The following MAZ variants were observed in gnomAD, a reference collection of about 807,000 sequenced individuals.
MAZ encodes myc-associated zinc finger protein.
A neutral mutation model predicts 32.7 loss-of-function variants in MAZ; 4 were observed. The observed-to-expected ratio is 0.12, with a 90% CI of 0.06 to 0.28. MAZ has a LOEUF of 0.28. Ranked by LOEUF, MAZ falls within the 10% of genes least tolerant of loss-of-function variation. The pLI is 1.00. For missense variants in MAZ, 763 were observed against 667.2 expected (o/e 1.14, Z -1.58); for synonymous variants, 510 against 297.6 (o/e 1.71, Z -7.35).
Position 29,807,124 on chromosome 16 carries a change from C to T in MAZ, c.339C>T (p.Pro113=), listed in dbSNP as rs957086362. The T allele has an allele frequency of 1.9e-6, 2 of 1,028,778 alleles. No homozygotes were observed. The highest frequency in any genetic ancestry group is 2.4e-6 in the Non-Finnish European group (2 of 841,684). The allele number at this position is 1,028,778 out of a possible 1,614,324, so 63.7% of individuals were successfully genotyped here. ...AAAAAAVAAA[P]PAPAAASTVD... ...CTGCTGCCGCCGTCGCTGCCGCGCCCCCGGCCCCTGCCGCCGCCTCTACGG... is the reference window on the plus strand; with the variant it reads ...CTGCTGCCGCCGTCGCTGCCGCGCCTCCGGCCCCTGCCGCCGCCTCTACGG... Residue 113 remains proline, a synonymous_variant, in exon 2 of 5, where the codon CCC becomes CCT. Transcript: ENST00000322945.
At chr16:29,809,919 C>T in intron 4 of MAZ, 158 bp from the exon 5 acceptor site, 4 of 1,274,238 alleles carry the variant, frequency 3.1e-6, no homozygotes, top group Non-Finnish European at 3.3e-6. Context: ...TTGAGAACTG[C>T]TCTGTCTGGG....
chr16:29,808,008 G>A, intron 2 of MAZ, 180 bp downstream of exon 2: 1 of 1,236,562 alleles, frequency 8.1e-7, no homozygotes, highest in Non-Finnish European at 1.1e-6. Flanking sequence ...GTCCTTTGTC[G>A]AGGAGGTGGG....
intron 3 of MAZ, 103 bp downstream of exon 3, chr16:29,808,396 G>A (rs1285467693): frequency 1.3e-5 from 16 of 1,241,888 alleles, no homozygotes; most frequent in Non-Finnish European, 1.5e-5. Context: ...TCTTCTTTTT[G>A]CCTTTTTGCT....
upstream of MAZ, chr16:29,806,235 C>T: frequency 7.6e-6 from 2 of 263,076 alleles, no homozygotes; most frequent in East Asian, 1.8e-4. Context: ...CTCCTGCCCG[C>T]CCTCCCTCCC....
At position 29,810,521 on chromosome 16, in the gene MAZ, AC is replaced by A. The variant is rs1184602894; in HGVS notation, c.*295del. ...GAGGACACGAGCAGCCACTGCCCGT[AC>A]CCCCTCTCCTCTCTGTAAGCCCATG... On this transcript the variant is annotated 3_prime_UTR_variant, in exon 5 of 5. Coordinates refer to ENST00000322945, the MANE Select transcript of MAZ (RefSeq NM_002383.4). 1 of 701,022 alleles carries A rather than the reference AC, an allele frequency of 1.4e-6. No homozygotes were observed. The highest frequency in any genetic ancestry group is 2.6e-6 in the Non-Finnish European group (1 of 384,628). The allele number at this position is 701,022 out of a possible 1,614,324, so 43.4% of individuals were successfully genotyped here. A position where few individuals can be genotyped will look rare whatever the true frequency, so the allele number is the denominator to read the frequency against.
chr16:29,807,059 G>T lies in MAZ; in HGVS notation c.274G>T (p.Ala92Ser). ...QVDLLPVLAA[A>S]QESAAAAAAA... Reference sequence around the variant, plus strand: ...GGACTTGCTCCCGGTGCTCGCCGCCGCCCAGGAGTCCGCCGCGGCTGCTGC... The same window carrying T: ...GGACTTGCTCCCGGTGCTCGCCGCCTCCCAGGAGTCCGCCGCGGCTGCTGC... Residue 92 changes from alanine to serine, a missense_variant, in exon 2 of 5, where the codon GCC becomes TCC. By Grantham distance (99) the Ala-to-Ser change is moderately conservative. Transcript: ENST00000322945. 9.8e-7 allele frequency: 1 copy of T among 1,020,838 alleles called. No homozygotes were observed. The highest frequency in any genetic ancestry group is 1.2e-6 in the Non-Finnish European group (1 of 857,576). The allele number at this position is 1,020,838 out of a possible 1,614,324, so 63.2% of individuals were successfully genotyped here. A position where few individuals can be genotyped will look rare whatever the true frequency, so the allele number is the denominator to read the frequency against.
At chr16:29,809,624 A>G (rs1567372544) in intron 4 of MAZ, 3 of 1,610,722 alleles carry the variant, frequency 1.9e-6, no homozygotes, top group Non-Finnish European at 2.5e-6. Context: ...ATCCTGTGCA[A>G]GCTGTGCAGC....
chr16:29,810,868 G>T lies in MAZ; in HGVS notation c.*637G>T, dbSNP rs1377985782. On this transcript the variant is annotated 3_prime_UTR_variant, in exon 5 of 5. Coordinates refer to ENST00000322945, the MANE Select transcript of MAZ (RefSeq NM_002383.4). ...CAGGGGAAAAAGTCAAGGGGAGCAGGAGGAAGAGCCAGGAGGGCCAGAGGC... is the reference window on the plus strand; with the variant it reads ...CAGGGGAAAAAGTCAAGGGGAGCAGTAGGAAGAGCCAGGAGGGCCAGAGGC... The T allele has an allele frequency of 1.8e-5, 6 of 341,940 alleles. No individual in the cohort carries two copies. The highest frequency in any genetic ancestry group is 2.8e-5 in the Non-Finnish European group (5 of 175,814). 21.2% of individuals were successfully genotyped at this position (341,940 alleles called of 1,614,324 possible).
chr16:29,806,771 G>C lies in MAZ; in HGVS notation c.70G>C (p.Val24Leu). ...CGTGCTGGGCCTGGACTCCCGGGGG[G>C]TGGGCGGCCTCATGAACTCCTTCCC... ...FPVLGLDSRG[V>L]GGLMNSFPPP... The change falls in exon 1 of 5, where the codon GTG becomes CTG. Residue 24 changes from valine (V) to leucine (L), a missense_variant. Transcript: ENST00000322945. The C allele has an allele frequency of 2.1e-6, 3 of 1,434,934 alleles. No individual in the cohort carries two copies. The highest frequency in any genetic ancestry group is 2.8e-6 in the Non-Finnish European group (3 of 1,086,576). 88.9% of individuals were successfully genotyped at this position (1,434,934 alleles called of 1,614,324 possible). A position where few individuals can be genotyped will look rare whatever the true frequency, so the allele number is the denominator to read the frequency against.
At chr16:29,809,685 G>C (rs770032589) in intron 4 of MAZ, 5 of 1,523,724 alleles carry the variant, frequency 3.3e-6, no homozygotes, top group African/African-American at 1.4e-5. Context: ...AGACCCATCT[G>C]GGGGGGGCCG....
At position 29,807,148 on chromosome 16, in the gene MAZ, G is replaced by T; in HGVS notation, c.363G>T (p.Thr121=). The change falls in exon 2 of 5, where the codon ACG becomes ACT. Residue 121 remains threonine, a synonymous_variant. Transcript: ENST00000322945. ...CCCCGGCCCCTGCCGCCGCCTCTAC[G>T]GTGGACACAGCGGCCCTGAAGCAGC... is the stretch of plus-strand genomic sequence containing the variant. ...AAPPAPAAAS[T]VDTAALKQPP... The T allele has an allele frequency of 1.9e-6, 2 of 1,063,410 alleles. No individual in the cohort carries two copies. Among genetic ancestry groups the T allele is most frequent in the Non-Finnish European group, 1.2e-6 (1 of 856,840 alleles). The allele number at this position is 1,063,410 out of a possible 1,614,324, so 65.9% of individuals were successfully genotyped here.
At position 29,810,501 on chromosome 16, in the gene MAZ, C is replaced by A; in HGVS notation, c.*270C>A. ...GACAGTGGGCAGGGGTGGCAGAGGACACGAGCAGCCACTGCCCGTACCCCC... is the reference window on the plus strand; with the variant it reads ...GACAGTGGGCAGGGGTGGCAGAGGAAACGAGCAGCCACTGCCCGTACCCCC... On this transcript the variant is annotated 3_prime_UTR_variant, in exon 5 of 5. Transcript: ENST00000322945. 1 of 702,030 alleles carries A rather than the reference C, an allele frequency of 1.4e-6. No individual in the cohort carries two copies. The highest frequency in any genetic ancestry group is 2.6e-6 in the Non-Finnish European group (1 of 385,026). 43.5% of individuals were successfully genotyped at this position (702,030 alleles called of 1,614,324 possible).
rs897915020 is a variant in MAZ, at chr16:29,811,155, T to G, written c.*924T>G. 8 of 423,404 alleles carry G rather than the reference T, an allele frequency of 1.9e-5. No individual in the cohort carries two copies. Among genetic ancestry groups the G allele is most frequent in the Admixed American group, 5.4e-5 (2 of 37,298 alleles). The allele number at this position is 423,404 out of a possible 1,614,324, so 26.2% of individuals were successfully genotyped here. A position where few individuals can be genotyped will look rare whatever the true frequency, so the allele number is the denominator to read the frequency against. ...GGACCCCATTACAATAAATTTTAAA[T>G]AAAATCCTGTTTCTGGCTCTGGATT... On this transcript the variant is annotated 3_prime_UTR_variant, in exon 5 of 5. Coordinates refer to ENST00000322945, the MANE Select transcript of MAZ (RefSeq NM_002383.4).
Position 29,806,874 on chromosome 16 carries a change from G to T in MAZ, c.173G>T (p.Cys58Phe). ...LQSRFFASQG[C>F]AQSPFQAAPA... ...TCCCGCTTCTTTGCCTCCCAGGGCT[G>T]CGCCCAGAGTCCATTCCAGGTGAGT... is the stretch of plus-strand genomic sequence containing the variant. The change falls in exon 1 of 5, where the codon TGC becomes TTC. Residue 58 changes from cysteine (C) to phenylalanine (F), a missense_variant. By Grantham distance (205) the Cys-to-Phe change is radical. Coordinates refer to ENST00000322945, the MANE Select transcript of MAZ (RefSeq NM_002383.4). The T allele has an allele frequency of 7.0e-7, 1 of 1,431,928 alleles. No homozygotes were observed. The allele number at this position is 1,431,928 out of a possible 1,614,324, so 88.7% of individuals were successfully genotyped here. A position where few individuals can be genotyped will look rare whatever the true frequency, so the allele number is the denominator to read the frequency against.
At chr16:29,808,532 C>A in intron 3 of MAZ, 38 bp from the exon 4 acceptor site, 2 of 1,415,850 alleles carry the variant, frequency 1.4e-6, no homozygotes, top group Non-Finnish European at 1.9e-6. Flanking sequence ...AGCTTTAACT[C>A]TCCTGTGACA....
rs1260144052 is a variant in MAZ, at chr16:29,810,651, GCTTT to G, written c.*425_*428del. The G allele has an allele frequency of 3.5e-6, 2 of 572,322 alleles. No homozygotes were observed. Among genetic ancestry groups the G allele is most frequent in the Admixed American group, 6.2e-5 (2 of 32,322 alleles). The allele number at this position is 572,322 out of a possible 1,614,324, so 35.5% of individuals were successfully genotyped here. On this transcript the variant is annotated 3_prime_UTR_variant, in exon 5 of 5. Coordinates refer to ENST00000322945, the MANE Select transcript of MAZ (RefSeq NM_002383.4). ...TGCAGCCCCTCCCCGGGGAGTTGGT[GCTTT>G]CTTTTCCTTTTTTTTTTTTTTCCAG...
rs768740117 is a variant in MAZ at position 29,806,940 on chromosome 16, C to T, written c.193-38C>T. On this transcript the variant is annotated intron_variant, in intron 1 of 4. Transcript: ENST00000322945. ...GGCCCGGGCTGGGGGGGGACGCCCG[C>T]CCGCACCCGCGGCCCACTCGGCGCC... 2.6e-6 allele frequency: 3 copies of T among 1,169,154 alleles called. No homozygotes were observed. The South Asian group carries it at 6.9e-5, about 27-fold the overall frequency. 72.4% of individuals were successfully genotyped at this position (1,169,154 alleles called of 1,614,324 possible). A position where few individuals can be genotyped will look rare whatever the true frequency, so the allele number is the denominator to read the frequency against.
chr16:29,806,150 T>C (rs1244791584), upstream of MAZ: 1 of 1,192,076 alleles, frequency 8.4e-7, no homozygotes, highest in Non-Finnish European at 1.1e-6. Context: ...CCGCCATGGA[T>C]CCCAGCAACT....
rs1165171165 is a variant in MAZ, at chr16:29,807,611, C to T, written c.826C>T (p.Arg276Trp). 2 of 1,612,476 alleles carry T rather than the reference C, an allele frequency of 1.2e-6. No individual in the cohort carries two copies. The highest frequency in any genetic ancestry group is 1.3e-5 in the African/African-American group (1 of 75,022). Reference protein sequence around the residue: ...VTTTASGKRIRKNHACEMCGK... With the variant: ...VTTTASGKRIWKNHACEMCGK... The stretch of plus-strand genomic sequence containing the variant: ...CACGACCGCCTCGGGGAAGCGCATC[C>T]GGAAGAACCATGCCTGCGAGATGTG... Residue 276 changes from arginine to tryptophan, a missense_variant, in exon 2 of 5, where the codon CGG becomes TGG. Transcript: ENST00000322945.
Sources: allele counts gnomAD v4.1 joint callset, GRCh38; gene constraint gnomAD v4.1.1; transcripts MANE v1.5; gene names NCBI Gene and HGNC (gene_info 2026-07-23, HGNC 2026-07-21).